RASEF: variants seen among roughly 807,000 people sequenced by gnomAD.
RASEF encodes the protein ras and EF-hand domain-containing protein.
A neutral mutation model predicts 90.1 loss-of-function variants in RASEF; 68 were observed. The ratio of observed to expected loss-of-function variants is 0.75; its 90% CI spans 0.62 to 0.92. The LOEUF (loss-of-function observed/expected upper bound fraction) is 0.92, where lower values mean the gene tolerates loss of function less well. RASEF is among the 40% of genes least tolerant of loss of function. RASEF has a pLI of 0.00. For missense variants in RASEF, 949 were observed against 937.2 expected, an observed-to-expected ratio of 1.01 and a Z score of -0.16; for synonymous variants, 331 against 345.2, an observed-to-expected ratio of 0.96 and a Z score of 0.46.
At chr9:83,132,902 G>A in the RASEF span, among the ~76,000 whole-genome samples, 2 of 152,160 alleles carry the variant, frequency 1.3e-5, no homozygotes, top group Non-Finnish European at 2.9e-5. Context: ...CCCAGAAAGA[G>A]CCACCTCTTG....
intron 13 of RASEF, 141 bp from the exon 14 acceptor site, chr9:82,997,267 T>A: frequency 1.6e-6 from 1 of 617,712 alleles, no homozygotes; most frequent in Non-Finnish European, 2.9e-6. Context: ...GACATAGGCA[T>A]TTCAAAGGTC....
At chr9:83,160,042 C>A in the RASEF span, among the ~76,000 whole-genome samples, 1 of 152,212 alleles carries the variant, frequency 6.6e-6, no homozygotes, top group African/African-American at 2.4e-5. Context: ...ACTGTAAGTC[C>A]AATAAACCTC....
chr9:83,038,634 T>C (rs1181265620), intron 1 of RASEF, among the ~76,000 whole-genome samples: 1 of 151,486 alleles, frequency 6.6e-6, no homozygotes, highest in African/African-American at 2.5e-5. Flanking sequence ...ACATAAGTGA[T>C]AAGAATTTTT....
At chr9:83,118,741 A>C in the RASEF span, among the ~76,000 whole-genome samples, 2 of 152,222 alleles carry the variant, frequency 1.3e-5, no homozygotes, top group South Asian at 4.1e-4. Flanking sequence ...CATTAGGATC[A>C]TTATAGAGAT....
At chr9:83,196,743 G>A in the RASEF span, among the ~76,000 whole-genome samples, 1 of 152,178 alleles carries the variant, frequency 6.6e-6, no homozygotes. Context: ...ACTGGGGAGG[G>A]AAGAGGATGG....
At chr9:83,012,755 G>C (rs903919838) in intron 4 of RASEF, among the ~76,000 whole-genome samples, 1 of 152,194 alleles carries the variant, frequency 6.6e-6, no homozygotes, top group Non-Finnish European at 1.5e-5. Flanking sequence ...CAGCTGAAAA[G>C]CCTTTTTTGG....
intron 1 of RASEF, among the ~76,000 whole-genome samples, chr9:83,039,247 C>G (rs1209977140): frequency 6.6e-6 from 1 of 152,144 alleles, no homozygotes; most frequent in Non-Finnish European, 1.5e-5. Flanking sequence ...CCCCTCCTAT[C>G]CCCTGCCACT....
chr9:83,217,817 A>C, the RASEF span, among the ~76,000 whole-genome samples: 1 of 152,194 alleles, frequency 6.6e-6, no homozygotes, highest in South Asian at 2.1e-4. Context: ...AGTGGGTCTT[A>C]AACTTTTCCT....
At chr9:83,113,778 AC>A in the RASEF span, among the ~76,000 whole-genome samples, 1 of 152,028 alleles carries the variant, frequency 6.6e-6, no homozygotes, top group Non-Finnish European at 1.5e-5. Context: ...CTGCTCTTGA[AC>A]CCTGTTTCCT....
the RASEF span, among the ~76,000 whole-genome samples, chr9:83,137,803 A>C: frequency 1.3e-5 from 2 of 151,478 alleles, no homozygotes; most frequent in African/African-American, 4.9e-5. Context: ...TTGAAAAAAA[A>C]AAATGAATAG....
intron 1 of RASEF, among the ~76,000 whole-genome samples, chr9:83,042,945 G>T (rs1310703426): frequency 6.6e-6 from 1 of 152,182 alleles, no homozygotes; most frequent in African/African-American, 2.4e-5. Context: ...ACTCCACACG[G>T]TAACTTAAAA....
intron 1 of RASEF, chr9:83,055,591 T>C (rs1830088593): frequency 1.4e-6 from 1 of 717,818 alleles, no homozygotes; most frequent in Non-Finnish European, 2.6e-6. Flanking sequence ...CCAAAGTGTT[T>C]CTCTGCCTTC....
intron 12 of RASEF, among the ~76,000 whole-genome samples, chr9:82,999,493 T>G (rs937978860): frequency 1.2e-4 from 19 of 152,326 alleles, no homozygotes; most frequent in African/African-American, 4.3e-4. Flanking sequence ...CGTTTGTACC[T>G]ACAACAGCAT....
the RASEF span, among the ~76,000 whole-genome samples, chr9:83,123,414 G>T: frequency 1.3e-5 from 2 of 152,074 alleles, no homozygotes; most frequent in African/African-American, 4.8e-5. Context: ...GGGGAGACCT[G>T]CCTTGCTGTT....
chr9:82,992,847 G>C, intron 15 of RASEF, 59 bp downstream of exon 15: 4 of 1,564,234 alleles, frequency 2.6e-6, no homozygotes, highest in Non-Finnish European at 3.5e-6. Context: ...AAAGGCCACC[G>C]ACTTCAAAGC....
At chr9:82,989,804 G>C (rs1276297551) in intron 16 of RASEF, among the ~76,000 whole-genome samples, 6 of 152,048 alleles carry the variant, frequency 3.9e-5, no homozygotes, top group Admixed American at 2.0e-4. Flanking sequence ...CAGAAAACCA[G>C]GTAGGAGGGA....
rs534738577 is a variant in RASEF at position 83,000,252 on chromosome 9, G to C, written c.1640C>G (p.Ala547Gly). 1.5e-5 allele frequency: 25 copies of C among 1,614,036 alleles called. No individual in the cohort carries two copies. The highest frequency in any genetic ancestry group is 1.2e-4 in the Admixed American group (7 of 60,010). ...AGACTTCCCCACTGCAGCGTCCCCA[G>C]CAAGTACAATCTTGTAAGCCTTCTG... ...SSQKAYKIVL[A>G]GDAAVGKSSF... The change falls in exon 12 of 17, where the codon GCT (alanine) becomes GGT (glycine). Residue 547 changes from alanine (A) to glycine (G), a missense_variant. Physicochemically the swap from Ala to Gly is moderately conservative, Grantham distance 60. Transcript: ENST00000376447.
the RASEF span, among the ~76,000 whole-genome samples, chr9:83,144,408 GAAAGAAAGAAAAGA>G: frequency 8.6e-6 from 1 of 116,690 alleles, no homozygotes; most frequent in African/African-American, 3.4e-5. Context: ...AAGAAAGAAA[GAAAGAAAGAAAAGA>G]AAAGAAAGAA....
At chr9:83,190,874 C>G in the RASEF span, among the ~76,000 whole-genome samples, 1 of 152,168 alleles carries the variant, frequency 6.6e-6, no homozygotes, top group Non-Finnish European at 1.5e-5. Flanking sequence ...CTACCATGTC[C>G]CATGCCCAGG....
Sources: allele counts gnomAD v4.1 joint callset (sites outside exome capture counted in the v4.1 genomes callset), GRCh38; gene constraint gnomAD v4.1.1; transcripts MANE v1.5; gene names NCBI Gene and HGNC (gene_info 2026-07-23, HGNC 2026-07-21).